Variants in ZNF302 observed in about 807,000 individuals in gnomAD.
The protein encoded by ZNF302 is zinc finger protein 327.
Under a neutral mutation model 10.8 loss-of-function variants are expected in ZNF302, and 12 were observed. The ratio of observed to expected loss-of-function variants is 1.11; its 90% CI spans 0.71 to 1.79. The LOEUF (loss-of-function observed/expected upper bound fraction) is 1.79, where lower values mean the gene tolerates loss of function less well. Among genes scored for constraint, ZNF302 ranks in the 40% most tolerant of loss-of-function variants. ZNF302 has a pLI of 0.00. For missense variants in ZNF302, 461 were observed against 471.1 expected (o/e 0.98, Z 0.20); for synonymous variants, 178 against 157.5 (o/e 1.13, Z -0.98).
At position 34,685,228 on chromosome 19, in the gene ZNF302, T is replaced by C. The variant is rs761610258; in HGVS notation, c.1191T>C (p.Phe397=). Residue 397 remains phenylalanine, a synonymous_variant, in exon 5 of 5, where the codon TTT becomes TTC. Transcript: ENST00000505242. ...GTATTCATACTGAAGAAAAACCGTT[T>C]GAAGTTTAGAAATGCAGGAAATCCT... The part of the protein sequence containing the change: ...HQSIHTEEKP[F]EV 33 of 1,612,690 alleles carry C rather than the reference T, an allele frequency of 2.0e-5. 1 individual carries two copies. In the East Asian group the frequency reaches 6.9e-4, roughly 34 times the overall value.
intron 2 of ZNF302, chr19:34,682,451 C>T (rs1342415374): frequency 4.9e-6 from 1 of 202,164 alleles, no homozygotes; most frequent in East Asian, 1.5e-4. Context: ...TAACTAAATA[C>T]TTGACTCTGT....
chr19:34,684,536 A>G lies in ZNF302; in HGVS notation c.499A>G (p.Ile167Val). The part of the protein sequence containing the change: ...SKKSVIKSER[I>V]NGGKKLLNSN... ...AAAGTCAGTTATAAAAAGTGAGAGA[A>G]TAAATGGTGGAAAGAAACTTTTAAA... The change falls in exon 5 of 5, where the codon ATA becomes GTA. Residue 167 changes from isoleucine to valine, a missense_variant. Physicochemically the swap from Ile to Val is conservative, Grantham distance 29 (BLOSUM62 3). Transcript: ENST00000505242. 1.2e-6 allele frequency: 2 copies of G among 1,613,478 alleles called. No individual in the cohort carries two copies. The highest frequency in any genetic ancestry group is 2.2e-5 in the South Asian group (2 of 90,978).
At chr19:34,676,428 G>A (rs1208325966), upstream of ZNF302, 5 of 152,194 alleles carry the variant, frequency 3.3e-5, no homozygotes, top group Admixed American at 1.3e-4. Context: ...CCTCAGCTCC[G>A]AGAAATTGAA....
In ZNF302 at chr19:34,684,725, G is replaced by A; in HGVS notation, c.688G>A (p.Glu230Lys). 6.2e-7 allele frequency: 1 copy of A among 1,614,022 alleles called. No homozygotes were observed. The highest frequency in any genetic ancestry group is 8.5e-7 in the Non-Finnish European group (1 of 1,179,944). ...AATTCATACAGGAGAGAAGCCCTAT[G>A]AATGTCGTGAATGTGGGAAGACTTT... is the stretch of plus-strand genomic sequence containing the variant. The part of the protein sequence containing the change: ...WRIHTGEKPY[E>K]CRECGKTFSH... Residue 230 changes from glutamate (E) to lysine (K), a missense_variant, in exon 5 of 5, where the codon GAA becomes AAA. Coordinates refer to ENST00000505242, the MANE Select transcript of ZNF302 (RefSeq NM_001289187.2).
chr19:34,684,070 A>G (rs2068501836), intron 4 of ZNF302, 182 bp from the exon 5 acceptor site: 2 of 1,527,498 alleles, frequency 1.3e-6, no homozygotes, highest in African/African-American at 1.4e-5. Flanking sequence ...CATTGTTCAG[A>G]AGTCACTGAA....
At position 34,685,038 on chromosome 19, in the gene ZNF302, G is replaced by T. The variant is rs753802177; in HGVS notation, c.1001G>T (p.Ser334Ile). The part of the protein sequence containing the change: ...HSSSLIHHQK[S>I]HTGEKPYECR... ...TCGTCTCTCATTCACCATCAGAAAAGCCATACTGGAGAGAAGCCTTATGAA... is the reference window on the plus strand; with the variant it reads ...TCGTCTCTCATTCACCATCAGAAAATCCATACTGGAGAGAAGCCTTATGAA... The change falls in exon 5 of 5, where the codon AGC (serine) becomes ATC (isoleucine). Residue 334 changes from serine (S) to isoleucine (I), a missense_variant. Coordinates refer to ENST00000505242, the MANE Select transcript of ZNF302 (RefSeq NM_001289187.2). 2.3e-5 allele frequency: 37 copies of T among 1,613,368 alleles called. No individual in the cohort carries two copies. The South Asian group carries it at 2.4e-4, about 11-fold the overall frequency.
In ZNF302 at chr19:34,685,351, G is replaced by T. The variant is rs418435; in HGVS notation, c.*114G>T. ...GTGGGAAAGCCTTTAGTCATAGGTC[G>T]TCCCTGCTTCAACATCACAGTATTC... On this transcript the variant is annotated 3_prime_UTR_variant, in exon 5 of 5. Transcript: ENST00000505242. 32 of 1,613,360 alleles carry T rather than the reference G, an allele frequency of 2.0e-5. No homozygotes were observed. Among genetic ancestry groups the T allele is most frequent in the Non-Finnish European group, 2.1e-5 (25 of 1,179,562 alleles).
Position 34,684,388 on chromosome 19 carries a change from A to G in ZNF302, c.351A>G (p.Glu117=). The part of the protein sequence containing the change: ...YEFSNSNKNL[E]YTECDTFRST... ...TTTCAAATTCTAATAAGAATTTGGA[A>G]TATACAGAATGCGACACATTTAGAA... Residue 117 remains glutamate, a synonymous_variant, in exon 5 of 5, where the codon GAA becomes GAG. Transcript: ENST00000505242. The G allele has an allele frequency of 6.2e-7, 1 of 1,606,804 alleles. No homozygotes were observed. The highest frequency in any genetic ancestry group is 1.1e-5 in the South Asian group (1 of 88,802).
In ZNF302 at chr19:34,685,003, C is replaced by T. The variant is rs774659582; in HGVS notation, c.966C>T (p.Phe322=). The stretch of plus-strand genomic sequence containing the variant: ...AGTGTCGTATATGTGGAAAGGCCTT[C>T]ATTCATAGTTCGTCTCTCATTCACC... ...RYECRICGKA[F]IHSSSLIHHQ... is the part of the protein sequence containing the mutation. The change falls in exon 5 of 5, where the codon TTC becomes TTT. Residue 322 remains phenylalanine (F), a synonymous_variant. Coordinates refer to ENST00000505242, the MANE Select transcript of ZNF302 (RefSeq NM_001289187.2). 1.3e-5 allele frequency: 21 copies of T among 1,613,728 alleles called. No individual in the cohort carries two copies. In the South Asian group the frequency reaches 2.2e-4, roughly 17 times the overall value.
chr19:34,684,691 C>T lies in ZNF302; in HGVS notation c.654C>T (p.Arg218=). The change falls in exon 5 of 5, where the codon CGC becomes CGT. Residue 218 remains arginine, a synonymous_variant. Transcript: ENST00000505242. ...TTGGCAAACAGTCAATCCTCAGTCG[C>T]CACTGGAGAATTCATACAGGAGAGA... ...KAFGKQSILS[R]HWRIHTGEKP... is the part of the protein sequence containing the mutation. The T allele has an allele frequency of 6.2e-7, 1 of 1,613,952 alleles. No individual in the cohort carries two copies. The highest frequency in any genetic ancestry group is 8.5e-7 in the Non-Finnish European group (1 of 1,179,916).
intron 2 of ZNF302, chr19:34,679,764 T>C: frequency 3.0e-6 from 2 of 674,336 alleles, no homozygotes; most frequent in Admixed American, 2.1e-5. Context: ...GTTCAGTATA[T>C]GCACGTGCTC....
chr19:34,681,642 C>G (rs112183593), intron 2 of ZNF302: 1 of 152,164 alleles, frequency 6.6e-6, no homozygotes. Flanking sequence ...GTAGGGATTG[C>G]GCTCCTGTAA....
chr19:34,676,746 G>A (rs1318900244), upstream of ZNF302: 1 of 152,188 alleles, frequency 6.6e-6, no homozygotes, highest in East Asian at 1.9e-4. Context: ...AAAGTCTATA[G>A]CGACACTATT....
chr19:34,677,115 G>T (rs1250841645), upstream of ZNF302: 1 of 151,394 alleles, frequency 6.6e-6, no homozygotes, highest in African/African-American at 2.4e-5. Context: ...GTGACAGTCG[G>T]GCCACAGGGC....
intron 2 of ZNF302, 138 bp from the exon 3 acceptor site, chr19:34,682,639 C>T: frequency 7.8e-7 from 1 of 1,289,256 alleles, no homozygotes; most frequent in Non-Finnish European, 1.1e-6. Flanking sequence ...TATTACTTAC[C>T]TGACATCACA....
At chr19:34,678,863 G>T (rs2068165426) in intron 2 of ZNF302, 50 bp downstream of exon 2, 1 of 1,611,782 alleles carries the variant, frequency 6.2e-7, no homozygotes, top group African/African-American at 1.3e-5. Context: ...TTAGGCCTCT[G>T]TGTGTTTGCT....
Position 34,678,821 on chromosome 19 carries a change from G to C in ZNF302, c.9+8G>C. 2 of 1,613,788 alleles carry C rather than the reference G, an allele frequency of 1.2e-6. No individual in the cohort carries two copies. Among genetic ancestry groups the C allele is most frequent in the East Asian group, 4.5e-5 (2 of 44,876 alleles). Reference sequence around the variant, plus strand: ...TGCAGAATAATGTCTCAGGTAAGTCGGTGTGTCCCCAAATCTTCCTGAAAC... The same window carrying C: ...TGCAGAATAATGTCTCAGGTAAGTCCGTGTGTCCCCAAATCTTCCTGAAAC... On this transcript the variant is annotated splice_region_variant and intron_variant, in intron 2 of 4. Coordinates refer to ENST00000505242, the MANE Select transcript of ZNF302 (RefSeq NM_001289187.2).
At position 34,686,316 on chromosome 19, in the gene ZNF302, TTAAAAA is replaced by T. The variant is rs1190440585; in HGVS notation, c.*1081_*1086del. On this transcript the variant is annotated 3_prime_UTR_variant, in exon 5 of 5. Coordinates refer to ENST00000505242, the MANE Select transcript of ZNF302 (RefSeq NM_001289187.2). ...AGAGGAGCCAGTAAATGTTATAATG[TTAAAAA>T]TTAAAGCTGCAAAAGAAATAAAATG... The T allele has an allele frequency of 2.0e-5, 3 of 152,334 alleles. No homozygotes were observed. Among genetic ancestry groups the T allele is most frequent in the South Asian group, 2.1e-4 (1 of 4,824 alleles). The allele number at this position is 152,334 out of a possible 1,614,324, so 9.4% of individuals were successfully genotyped here. A position where few individuals can be genotyped will look rare whatever the true frequency, so the allele number is the denominator to read the frequency against.
intron 2 of ZNF302, chr19:34,682,504 T>C (rs1174002660): frequency 3.2e-6 from 1 of 308,680 alleles, no homozygotes; most frequent in Non-Finnish European, 5.9e-6. Flanking sequence ...TTCATATAAT[T>C]CTAAACTTTT....
Sources: gnomAD v4.1 joint callset for allele counts on GRCh38, gnomAD v4.1.1 for gene constraint, MANE v1.5 for transcripts, NCBI Gene and HGNC (gene_info 2026-07-23, HGNC 2026-07-21) for gene names.